The following ANG variants were observed in gnomAD, a reference collection of about 807,000 sequenced individuals.
The protein encoded by ANG is Homo sapiens epididymis luminal protein 168.
For synonymous variants in ANG, 74 were observed against 73.8 expected (o/e 1.00, Z -0.02); for missense variants, 178 against 187.4 (o/e 0.95, Z 0.29).
At chr14:20,692,608 A>G (rs573024590) in intron 1 of ANG, among the ~76,000 whole-genome samples, 1 of 152,336 alleles carries the variant, frequency 6.6e-6, no homozygotes, top group Non-Finnish European at 1.5e-5. Flanking sequence ...GAATCTAACT[A>G]ATGCTTGATG....
upstream of ANG, among the ~76,000 whole-genome samples, chr14:20,687,680 C>A (rs527790227): frequency 7.2e-5 from 11 of 152,326 alleles, no homozygotes; most frequent in South Asian, 2.3e-3. Context: ...TAATGCCTAC[C>A]TCACACAGTC....
At chr14:20,690,215 C>G (rs1281695944) in intron 1 of ANG, among the ~76,000 whole-genome samples, 35 of 83,936 alleles carry the variant, frequency 4.2e-4, no homozygotes, top group African/African-American at 1.8e-3. Flanking sequence ...GAGCGAGACT[C>G]CGTCTCAAAA....
In ANG at chr14:20,693,955, T is replaced by TTTC; in HGVS notation, c.391_392insTTC (p.Cys131delinsPheArg). On this transcript the variant is annotated protein_altering_variant, in exon 2 of 2. Transcript: ENST00000397990. ...GGGGTTCAGAAACGTTGTTGTTGCT[T>TTTC]GTGAAAATGGCTTACCTGTCCACTT... 3 of 1,614,106 alleles carry TTTC rather than the reference T, an allele frequency of 1.9e-6. No homozygotes were observed. The highest frequency in any genetic ancestry group is 2.5e-6 in the Non-Finnish European group (3 of 1,180,022).
intron 1 of ANG, 23 bp from the exon 2 acceptor site, chr14:20,693,524 A>C (rs1886915379): frequency 6.2e-7 from 1 of 1,607,766 alleles, no homozygotes; most frequent in African/African-American, 1.3e-5. Flanking sequence ...TGGGTCTACC[A>C]CACCTCCTTT....
chr14:20,693,088 C>A (rs1467202523), intron 1 of ANG, among the ~76,000 whole-genome samples: 1 of 151,942 alleles, frequency 6.6e-6, no homozygotes, highest in African/African-American at 2.4e-5. Flanking sequence ...ACCTCGTGAT[C>A]CGCCCGCCTT....
At chr14:20,686,980 T>C (rs1429666887), upstream of ANG, among the ~76,000 whole-genome samples, 3 of 152,170 alleles carry the variant, frequency 2.0e-5, no homozygotes, top group African/African-American at 7.2e-5. Context: ...AGGGACATTA[T>C]TGGCTTGAGG....
At chr14:20,690,214 T>C (rs1258827942) in intron 1 of ANG, among the ~76,000 whole-genome samples, 5 of 75,218 alleles carry the variant, frequency 6.6e-5, no homozygotes, top group Non-Finnish European at 8.8e-5. Flanking sequence ...AGAGCGAGAC[T>C]CCGTCTCAAA....
chr14:20,691,127 C>T (rs968453713), intron 1 of ANG, among the ~76,000 whole-genome samples: 2 of 152,180 alleles, frequency 1.3e-5, no homozygotes, highest in Non-Finnish European at 2.9e-5. Flanking sequence ...CAGCAATATC[C>T]CCACAAGTTA....
chr14:20,693,549 G>C lies in ANG; in HGVS notation c.-16G>C. ...ACACCTCCTTTTGCCCTCCGCAGGA[G>C]CCTGTGTTGGAAGAGATGGTGATGG... On this transcript the variant is annotated splice_region_variant and 5_prime_UTR_variant, in exon 2 of 2. Transcript: ENST00000397990. 1 of 1,611,210 alleles carries C rather than the reference G, an allele frequency of 6.2e-7. No individual in the cohort carries two copies. The highest frequency in any genetic ancestry group is 2.2e-5 in the East Asian group (1 of 44,878).
chr14:20,688,507 C>G (rs145497941), upstream of ANG, among the ~76,000 whole-genome samples: 25 of 152,226 alleles, frequency 1.6e-4, no homozygotes, highest in African/African-American at 3.9e-4. Context: ...AATAGGGAAA[C>G]CTCAGTCCTG....
At chr14:20,693,401 A>T in intron 1 of ANG, 146 bp from the exon 2 acceptor site, 1 of 1,054,818 alleles carries the variant, frequency 9.5e-7, no homozygotes, top group Non-Finnish European at 1.4e-6. Context: ...TGTGAGGTTA[A>T]TGAGGAAGGG....
rs1227856452 is a variant in ANG, at chr14:20,688,765, G to C, written c.-128G>C. ...AGGAACACTATATAATCAGAACCTG[G>C]AGAGGCCTCCAGGTTCACACAACTG... On this transcript the variant is annotated 5_prime_UTR_variant, in exon 1 of 2. Transcript: ENST00000397990. 1.6e-5 allele frequency: 16 copies of C among 985,086 alleles called. No individual in the cohort carries two copies. The highest frequency in any genetic ancestry group is 1.6e-5 in the Non-Finnish European group (13 of 829,796). The allele number at this position is 985,086 out of a possible 1,614,324, so 61.0% of individuals were successfully genotyped here.
chr14:20,690,379 C>A (rs1348936745), intron 1 of ANG, among the ~76,000 whole-genome samples: 3 of 152,138 alleles, frequency 2.0e-5, no homozygotes, highest in Non-Finnish European at 4.4e-5. Flanking sequence ...TGAGGCTTTG[C>A]ACCCTTGGCT....
chr14:20,686,410 G>A (rs1419952962), upstream of ANG, among the ~76,000 whole-genome samples: 3 of 152,238 alleles, frequency 2.0e-5, no homozygotes, highest in African/African-American at 7.2e-5. Flanking sequence ...ATTGGTCACT[G>A]TGACTCAAAT....
upstream of ANG, among the ~76,000 whole-genome samples, chr14:20,685,124 G>A (rs909484651): frequency 6.6e-6 from 1 of 152,156 alleles, no homozygotes; most frequent in African/African-American, 2.4e-5. Context: ...TTTTGAAGCA[G>A]GCCTTAGTTT....
intron 1 of ANG, among the ~76,000 whole-genome samples, chr14:20,691,043 C>A (rs1436651084): frequency 1.3e-5 from 2 of 152,164 alleles, no homozygotes; most frequent in African/African-American, 4.8e-5. Context: ...TGTCCTTGGT[C>A]TTAATATCTA....
In ANG at chr14:20,693,501, G is replaced by A. The variant is rs982609071; in HGVS notation, c.-18-46G>A. ...GCTCCTGTCCTTTTGGCCTAATTTG[G>A]TGATGCTGTTCTTGGGTCTACCACA... On this transcript the variant is annotated intron_variant, in intron 1 of 1. Transcript: ENST00000397990. 3.1e-6 allele frequency: 5 copies of A among 1,603,184 alleles called. No homozygotes were observed. The African/African-American group carries it at 4.0e-5, about 13-fold the overall frequency.
Position 20,694,007 on chromosome 14 carries a change from A to T in ANG, c.443A>T (p.Ter148LeuextTer?). 1 of 1,614,120 alleles carries T rather than the reference A, an allele frequency of 6.2e-7. No homozygotes were observed. The highest frequency in any genetic ancestry group is 1.6e-4 in the Middle Eastern group (1 of 6,062). The change falls in exon 2 of 2, where the codon TAA becomes TTA. Residue 148 changes from the stop codon to leucine, a stop_lost. Transcript: ENST00000397990. ...GATCAGTCAATTTTCCGTCGTCCGT[A>T]ACCAGCGGGCCCCTGGTCAAGTGCT... is the stretch of plus-strand genomic sequence containing the variant. Reference protein sequence around the residue: ...HLDQSIFRRP* With the variant: ...HLDQSIFRRPL
chr14:20,690,959 CTTTAT>C (rs1461373932), intron 1 of ANG, among the ~76,000 whole-genome samples: 4 of 152,172 alleles, frequency 2.6e-5, no homozygotes, highest in African/African-American at 9.7e-5. Context: ...ACAGGTCGGT[CTTTAT>C]TTTGTGATAT....
Sources: allele counts gnomAD v4.1 joint callset (sites outside exome capture counted in the v4.1 genomes callset), GRCh38; gene constraint gnomAD v4.1.1; transcripts MANE v1.5; gene names NCBI Gene and HGNC (gene_info 2026-07-23, HGNC 2026-07-21).